The following ERC1 variants were observed in gnomAD, a reference collection of about 807,000 sequenced individuals.
ERC1 encodes RAB6 interacting protein 2.
ERC1 carries 56 observed loss-of-function variants against 132.0 expected under a neutral mutation model. That is an observed-to-expected ratio of 0.42 (90% CI 0.34 to 0.53). The LOEUF (loss-of-function observed/expected upper bound fraction) is 0.53, where lower values mean the gene tolerates loss of function less well. ERC1 is among the 20% of genes least tolerant of loss of function. The pLI, the probability that ERC1 is intolerant of heterozygous loss-of-function variation, is 0.03. For missense variants in ERC1, 1,202 were observed against 1,349.9 expected (o/e 0.89, Z 1.72); for synonymous variants, 478 against 476.1 (o/e 1.00, Z -0.05).
intron 7 of ERC1, among the ~76,000 whole-genome samples, chr12:1,139,896 G>GA (rs908530643): frequency 6.0e-5 from 9 of 150,882 alleles, no homozygotes; most frequent in East Asian, 5.8e-4. Flanking sequence ...TTGTGATTCA[G>GA]AAAAAAAAAT....
chr12:1,244,502 GTTTGTT>G (rs2076035180), intron 13 of ERC1: 4 of 211,566 alleles, frequency 1.9e-5, no homozygotes, highest in Non-Finnish European at 3.6e-5. Context: ...TTAATGGTTT[GTTTGTT>G]TGTTTGTTTG....
chr12:1,413,592 C>CA (rs1040589036), intron 17 of ERC1, among the ~76,000 whole-genome samples: 28 of 150,184 alleles, frequency 1.9e-4, no homozygotes, highest in Admixed American at 5.3e-4. Context: ...AGACAGTCTC[C>CA]AAAAAAAAGA....
chr12:1,105,327 G>A (rs564464744), intron 4 of ERC1, among the ~76,000 whole-genome samples: 1 of 152,200 alleles, frequency 6.6e-6, no homozygotes, highest in South Asian at 2.1e-4. Context: ...AAAAGTATGT[G>A]TACTCCAGAG....
chr12:1,305,102 A>G lies in ERC1; in HGVS notation c.2780+15090A>G, dbSNP rs544003843. ...GCCTGTTTGTTGTAACTCTTAAACG[A>G]GGACTTGTTTTCTAATCTTTGGTAG... is the stretch of plus-strand genomic sequence containing the variant. On this transcript the variant is annotated intron_variant, in intron 15 of 18. Coordinates refer to ENST00000360905, the MANE Select transcript of ERC1 (RefSeq NM_178040.4). 7.2e-5 allele frequency among the ~76,000 whole-genome samples: 11 copies of G among 152,190 alleles called. No individual in the cohort carries two copies. The South Asian group carries it at 2.3e-3, about 32-fold the overall frequency.
chr12:1,340,861 A>G (rs2083769170), intron 15 of ERC1, among the ~76,000 whole-genome samples: 1 of 151,746 alleles, frequency 6.6e-6, no homozygotes, highest in Non-Finnish European at 1.5e-5. Context: ...TGGCCTCCCA[A>G]AGTGCTGAGA....
At chr12:1,025,982 G>C (rs1966864533) in intron 1 of ERC1, among the ~76,000 whole-genome samples, 1 of 151,984 alleles carries the variant, frequency 6.6e-6, no homozygotes, top group Non-Finnish European at 1.5e-5. Flanking sequence ...CTTTTAGTGA[G>C]ATTGGGTTTT....
intron 12 of ERC1, among the ~76,000 whole-genome samples, chr12:1,194,811 C>T (rs1956064885): frequency 6.6e-6 from 1 of 151,940 alleles, no homozygotes; most frequent in Non-Finnish European, 1.5e-5. Flanking sequence ...TTTGGTTTAT[C>T]AAAGTTAGAA....
At chr12:1,098,783 A>C (rs887119645) in intron 3 of ERC1, among the ~76,000 whole-genome samples, 6 of 152,242 alleles carry the variant, frequency 3.9e-5, no homozygotes, top group African/African-American at 1.4e-4. Context: ...GAAATTCATC[A>C]GCATTTCCGT....
intron 17 of ERC1, among the ~76,000 whole-genome samples, chr12:1,432,968 G>A (rs756889239): frequency 3.7e-4 from 56 of 152,190 alleles, no homozygotes; most frequent in Non-Finnish European, 7.2e-4. Flanking sequence ...CCAGCCAACC[G>A]CCTGCATCCT....
At chr12:1,012,038 T>G (rs1964762036) in intron 1 of ERC1, among the ~76,000 whole-genome samples, 1 of 152,208 alleles carries the variant, frequency 6.6e-6, no homozygotes, top group Admixed American at 6.5e-5. Context: ...GGCTTCATGT[T>G]AAGTCATAAA....
chr12:1,082,050 A>T (rs975281112), intron 2 of ERC1, among the ~76,000 whole-genome samples: 1 of 152,120 alleles, frequency 6.6e-6, no homozygotes, highest in African/African-American at 2.4e-5. Flanking sequence ...TTGTTTTGAC[A>T]CGGAGCCTTG....
intron 5 of ERC1, 144 bp downstream of exon 5, chr12:1,110,491 A>T (rs1411579252): frequency 1.6e-6 from 1 of 637,640 alleles, no homozygotes; most frequent in Non-Finnish European, 2.5e-6. Context: ...GTTCTTTCAA[A>T]TGAAACTTCT....
intron 1 of ERC1, 102 bp from the exon 2 acceptor site, chr12:1,027,646 T>C: frequency 2.1e-6 from 1 of 485,128 alleles, no homozygotes. Flanking sequence ...AGTACATACA[T>C]GGTAGAAGGG....
At chr12:1,165,497 G>A (rs965280207) in intron 8 of ERC1, among the ~76,000 whole-genome samples, 13 of 151,932 alleles carry the variant, frequency 8.6e-5, no homozygotes, top group South Asian at 2.1e-4. Flanking sequence ...TAGTAGAGAC[G>A]GGGTTTCACC....
chr12:1,122,623 G>C (rs890901700), intron 7 of ERC1, among the ~76,000 whole-genome samples: 5 of 4,056 alleles, frequency 1.2e-3, no homozygotes, highest in Non-Finnish European at 1.2e-3. Context: ...ATCTCTATCT[G>C]TGTCTCTATC....
At chr12:1,109,113 A>G (rs1055352159) in intron 4 of ERC1, among the ~76,000 whole-genome samples, 2 of 152,246 alleles carry the variant, frequency 1.3e-5, no homozygotes, top group Non-Finnish European at 2.9e-5. Context: ...ACAGATACAT[A>G]AAACTATTCA....
At chr12:1,295,356 G>A (rs2079835729) in intron 15 of ERC1, among the ~76,000 whole-genome samples, 1 of 152,184 alleles carries the variant, frequency 6.6e-6, no homozygotes, top group African/African-American at 2.4e-5. Context: ...AATCAGGGAA[G>A]TAATTCATAT....
chr12:1,292,813 C>A (rs1189836330), intron 15 of ERC1, among the ~76,000 whole-genome samples: 1 of 151,572 alleles, frequency 6.6e-6, no homozygotes, highest in African/African-American at 2.4e-5. Context: ...GAGTTCTAGA[C>A]CAGCCTGGCC....
At chr12:1,238,123 T>TTAA (rs1345193542) in intron 13 of ERC1, among the ~76,000 whole-genome samples, 1 of 151,846 alleles carries the variant, frequency 6.6e-6, no homozygotes, top group Non-Finnish European at 1.5e-5. Flanking sequence ...CCAATAACAG[T>TTAA]TAATATTGGC....
Sources: gnomAD v4.1 joint callset for allele counts (sites outside exome capture counted in the v4.1 genomes callset) on GRCh38, gnomAD v4.1.1 for gene constraint, MANE v1.5 for transcripts, NCBI Gene and HGNC (gene_info 2026-07-23, HGNC 2026-07-21) for gene names.